HIBCH: variants seen among roughly 807,000 people sequenced by gnomAD.
HIBCH encodes 3-hydroxyisobutyryl-CoA hydrolase, mitochondrial.
A neutral mutation model predicts 58.2 loss-of-function variants in HIBCH; 50 were observed. The observed-to-expected ratio is 0.86, with a 90% CI of 0.68 to 1.09. The LOEUF (loss-of-function observed/expected upper bound fraction) is 1.09, where lower values mean the gene tolerates loss of function less well. Among genes scored for constraint, HIBCH ranks in the 50% least tolerant of loss-of-function variants. The probability of loss-of-function intolerance (pLI) is 0.00; values close to 1 mark genes in which losing one functional copy is unlikely to be tolerated. For synonymous variants in HIBCH, 151 were observed against 146.9 expected, an observed-to-expected ratio of 1.03 and a Z score of -0.20; for missense variants, 450 against 449.7, an observed-to-expected ratio of 1.00 and a Z score of -0.01.
chr2:190,267,575 T>C (rs1687277894), intron 6 of HIBCH, among the ~76,000 whole-genome samples: 3 of 152,156 alleles, frequency 2.0e-5, no homozygotes, highest in South Asian at 2.1e-4. Flanking sequence ...GTTCCTATGG[T>C]TTCTCCATTT....
At chr2:190,296,688 G>T in intron 3 of HIBCH, 125 bp downstream of exon 3, 1 of 887,452 alleles carries the variant, frequency 1.1e-6, no homozygotes, top group Admixed American at 2.0e-5. Flanking sequence ...CTCAAGAATT[G>T]ATGGGGCTTA....
In HIBCH at chr2:190,265,854, A is replaced by G. The variant is rs114385177; in HGVS notation, c.439-4620T>C. Among the ~76,000 whole-genome samples the G allele has an allele frequency of 6.8e-3, 1,028 of 151,936 alleles. 13 individuals are homozygous for G. Among genetic ancestry groups the G allele is most frequent in the African/African-American group, 0.023 (935 of 41,434 alleles). On this transcript the variant is annotated intron_variant, in intron 6 of 13. Coordinates refer to ENST00000359678, the MANE Select transcript of HIBCH (RefSeq NM_014362.4). ...GCTATGGGTTTTATAGGGATGTGCT[A>G]TTTTTCATTTCCGTATTTGTAACAT...
rs1231546486 is a variant in HIBCH at position 190,304,867 on chromosome 2, T to C, written c.78+5887A>G. ...AGAACTAAAGCATTTAGAGATAAAATAGGACGAATAATGTATCCCTGTGCT... is the reference window on the plus strand; with the variant it reads ...AGAACTAAAGCATTTAGAGATAAAACAGGACGAATAATGTATCCCTGTGCT... On this transcript the variant is annotated intron_variant, in intron 2 of 13. Coordinates refer to ENST00000359678, the MANE Select transcript of HIBCH (RefSeq NM_014362.4). This position sits in a 1 kb window ranked among gnomAD's most constrained non-coding sequence, Gnocchi z 4.1. Among the ~76,000 whole-genome samples the C allele has an allele frequency of 6.6e-6, 1 of 152,140 alleles. No homozygotes were observed. Among genetic ancestry groups the C allele is most frequent in the African/African-American group, 2.4e-5 (1 of 41,430 alleles).
At chr2:190,298,590 GT>G (rs553718862) in intron 2 of HIBCH, among the ~76,000 whole-genome samples, 22 of 149,596 alleles carry the variant, frequency 1.5e-4, no homozygotes, top group African/African-American at 4.2e-4. Flanking sequence ...TTTTTGATGG[GT>G]TTTTTTTTTC....
At chr2:190,253,598 T>G (rs1156263398) in intron 7 of HIBCH, among the ~76,000 whole-genome samples, 6 of 152,226 alleles carry the variant, frequency 3.9e-5, no homozygotes, top group Non-Finnish European at 7.4e-5. Context: ...GACCACATCT[T>G]ATTGATTTTC....
Position 190,249,652 on chromosome 2 carries a change from A to G in HIBCH, c.738T>C (p.Asn246=). Residue 246 remains asparagine, a synonymous_variant, in exon 9 of 14, where the codon AAT becomes AAC. Coordinates refer to ENST00000359678, the MANE Select transcript of HIBCH (RefSeq NM_014362.4). ...SKENIASVLE[N]YHTESKIDRD... ...TTAACAAGATTACCTCTGTATGGTA[A>G]TTTTCTAAGACAGATGCAATATTTT... 3 of 1,590,848 alleles carry G rather than the reference A, an allele frequency of 1.9e-6. No individual in the cohort carries two copies. Among genetic ancestry groups the G allele is most frequent in the South Asian group, 1.1e-5 (1 of 90,458 alleles).
chr2:190,317,745 A>T (rs758029155), intron 1 of HIBCH, among the ~76,000 whole-genome samples: 8 of 152,190 alleles, frequency 5.3e-5, no homozygotes, highest in Non-Finnish European at 1.2e-4. Flanking sequence ...TAAGTTTGAG[A>T]ATCTAGAAGA....
At chr2:190,314,390 T>TATAC (rs71027213) in intron 1 of HIBCH, among the ~76,000 whole-genome samples, 35 of 139,174 alleles carry the variant, frequency 2.5e-4, no homozygotes, top group African/African-American at 7.1e-4. Context: ...TGTATATATA[T>TATAC]GTATATATAT....
rs1406019477 is a variant in HIBCH at position 190,296,816 on chromosome 2, T to C, written c.216A>G (p.Leu72=). ...TTGCAATAAGAAAATTACAAACCTT[T>C]AGCTGTGGATAAATCTGCCGAATCA... ...LNMIRQIYPQ[L]KKWEQDPETF... Residue 72 remains leucine (L), a synonymous_variant, in exon 3 of 14, where the codon CTA becomes CTG. Coordinates refer to ENST00000359678, the MANE Select transcript of HIBCH (RefSeq NM_014362.4). 6.2e-7 allele frequency: 1 copy of C among 1,613,516 alleles called. No homozygotes were observed. Among genetic ancestry groups the C allele is most frequent in the East Asian group, 2.2e-5 (1 of 44,872 alleles).
intron 9 of HIBCH, among the ~76,000 whole-genome samples, chr2:190,249,137 A>C (rs1416241030): frequency 6.6e-6 from 1 of 152,068 alleles, no homozygotes; most frequent in African/African-American, 2.4e-5. Context: ...TTATTCACTT[A>C]TTACAATTTT....
intron 11 of HIBCH, among the ~76,000 whole-genome samples, chr2:190,220,964 T>C (rs1685702381): frequency 2.6e-5 from 4 of 152,300 alleles, no homozygotes; most frequent in Middle Eastern, 3.4e-3. Context: ...TTTCTTGGTT[T>C]GGCACTTTCT....
Position 190,306,961 on chromosome 2 carries a change from C to T in HIBCH, c.78+3793G>A, listed in dbSNP as rs1688425919. ...CAGGAAGCTGGCCATCACCAGACAC[C>T]AAATCCGCTGGCCCCTTGATCTTGA... On this transcript the variant is annotated intron_variant, in intron 2 of 13. Coordinates refer to ENST00000359678, the MANE Select transcript of HIBCH (RefSeq NM_014362.4). This position sits in a 1 kb window ranked among gnomAD's most constrained non-coding sequence, Gnocchi z 4.6. Among the ~76,000 whole-genome samples the T allele has an allele frequency of 2.0e-5, 3 of 152,188 alleles. No homozygotes were observed. The highest frequency in any genetic ancestry group is 1.3e-4 in the Admixed American group (2 of 15,278).
chr2:190,253,416 C>G (rs1444330937), intron 7 of HIBCH, among the ~76,000 whole-genome samples: 1 of 152,134 alleles, frequency 6.6e-6, no homozygotes, highest in Non-Finnish European at 1.5e-5. Flanking sequence ...AAGCATCATG[C>G]TCCTGTAAAC....
At chr2:190,313,827 A>G (rs1688621053) in intron 1 of HIBCH, among the ~76,000 whole-genome samples, 1 of 152,148 alleles carries the variant, frequency 6.6e-6, no homozygotes, top group African/African-American at 2.4e-5. Flanking sequence ...CTAACACTTT[A>G]TAATTATGAA....
intron 1 of HIBCH, among the ~76,000 whole-genome samples, chr2:190,191,999 G>T (rs1365030186): frequency 1.3e-5 from 2 of 148,498 alleles, no homozygotes; most frequent in Non-Finnish European, 3.0e-5. Context: ...TTTCTTTCAT[G>T]GTTCATGCTT....
At chr2:190,192,801 G>C (rs1001842470) in intron 1 of HIBCH, among the ~76,000 whole-genome samples, 1 of 151,972 alleles carries the variant, frequency 6.6e-6, no homozygotes, top group Non-Finnish European at 1.5e-5. Flanking sequence ...ATTGCAAATG[G>C]CATTAATTTC....
chr2:190,293,345 C>T (rs1432242584), intron 4 of HIBCH, among the ~76,000 whole-genome samples: 3 of 151,896 alleles, frequency 2.0e-5, no homozygotes, highest in Non-Finnish European at 2.9e-5. Context: ...CTCAGCTACT[C>T]GGGAAGCTGA....
chr2:190,205,828 T>C (rs115098944), intron 13 of HIBCH, among the ~76,000 whole-genome samples: 1,602 of 152,246 alleles, frequency 0.011, 24 homozygotes, highest in African/African-American at 0.037. Context: ...CATAGCCACA[T>C]AGTATCCCCA....
intron 11 of HIBCH, chr2:190,213,289 G>C: frequency 3.8e-6 from 2 of 530,014 alleles, no homozygotes; most frequent in South Asian, 4.4e-5. Context: ...TTCTGTAGCT[G>C]TGACTAATAA....
Sources: gnomAD v4.1 joint callset for allele counts (sites outside exome capture counted in the v4.1 genomes callset) on GRCh38, gnomAD v4.1.1 for gene constraint, Gnocchi (gnomAD v3.1) non-coding constraint, MANE v1.5 for transcripts, NCBI Gene and HGNC (gene_info 2026-07-23, HGNC 2026-07-21) for gene names.